PCDH9: variants seen among roughly 807,000 people sequenced by gnomAD.
PCDH9 encodes protocadherin-9.
A neutral mutation model predicts 70.6 loss-of-function variants in PCDH9; 24 were observed. That is an observed-to-expected ratio of 0.34 (90% CI 0.25 to 0.48). The LOEUF is 0.48. PCDH9 is among the 20% of genes least tolerant of loss of function. PCDH9 has a pLI of 0.99. For missense variants in PCDH9, 1,281 were observed against 1,503.6 expected (o/e 0.85, Z 2.45); for synonymous variants, 562 against 558.5 (o/e 1.01, Z -0.09).
intron 3 of PCDH9, among the ~76,000 whole-genome samples, chr13:66,822,647 T>G (rs1157723982): frequency 2.0e-5 from 3 of 152,056 alleles, no homozygotes; most frequent in Non-Finnish European, 1.5e-5. Context: ...GGCCTCAGGC[T>G]CCCAAGTAGC....
chr13:66,420,259 A>C (rs7338154), intron 4 of PCDH9, among the ~76,000 whole-genome samples: 1 of 152,010 alleles, frequency 6.6e-6, no homozygotes, highest in Non-Finnish European at 1.5e-5. Flanking sequence ...ATCAGACTTA[A>C]ACGTTCCTGC....
intron 3 of PCDH9, among the ~76,000 whole-genome samples, chr13:66,813,374 C>T (rs2080543714): frequency 6.6e-6 from 1 of 151,502 alleles, no homozygotes; most frequent in Non-Finnish European, 1.5e-5. Flanking sequence ...TGCTGTACAA[C>T]CTCTGGTGTA....
intron 4 of PCDH9, among the ~76,000 whole-genome samples, chr13:66,420,330 C>T (rs1013433278): frequency 2.0e-5 from 3 of 152,202 alleles, no homozygotes; most frequent in Non-Finnish European, 4.4e-5. Flanking sequence ...TGCTAAGGGA[C>T]AGACTGCCTC....
chr13:66,718,086 T>C (rs2078894889), intron 3 of PCDH9, among the ~76,000 whole-genome samples: 1 of 152,212 alleles, frequency 6.6e-6, no homozygotes, highest in Non-Finnish European at 1.5e-5. Context: ...GAATAGAACA[T>C]GTGTCTCTCA....
intron 2 of PCDH9, among the ~76,000 whole-genome samples, chr13:67,198,810 T>A (rs1379832904): frequency 6.6e-6 from 1 of 151,902 alleles, no homozygotes; most frequent in African/African-American, 2.4e-5. Context: ...TAAATGTTGG[T>A]AGTTGTGCTT....
intron 2 of PCDH9, among the ~76,000 whole-genome samples, chr13:67,085,186 T>A (rs1300089647): frequency 6.6e-6 from 1 of 151,282 alleles, no homozygotes; most frequent in South Asian, 2.1e-4. Context: ...AATCTTCACA[T>A]CAATAATTTA....
chr13:66,972,468 T>G (rs2083542036), intron 2 of PCDH9, among the ~76,000 whole-genome samples: 1 of 151,936 alleles, frequency 6.6e-6, no homozygotes, highest in Non-Finnish European at 1.5e-5. Context: ...CCTAGTATTA[T>G]ATCCTGAAGA....
chr13:66,415,123 T>A (rs1957439294), intron 4 of PCDH9, among the ~76,000 whole-genome samples: 2 of 152,120 alleles, frequency 1.3e-5, no homozygotes, highest in South Asian at 2.1e-4. Context: ...ATAGGCAAGA[T>A]GAATACATTT....
intron 4 of PCDH9, among the ~76,000 whole-genome samples, chr13:66,351,400 T>C (rs1255367308): frequency 2.0e-5 from 3 of 152,334 alleles, no homozygotes; most frequent in East Asian, 1.9e-4. Context: ...ACTTCTGTCC[T>C]TTCTAAGAAA....
chr13:66,507,385 T>A (rs1959238712), intron 4 of PCDH9, among the ~76,000 whole-genome samples: 1 of 152,142 alleles, frequency 6.6e-6, no homozygotes, highest in Non-Finnish European at 1.5e-5. Context: ...CACAAAATAA[T>A]AATTTATTTT....
At chr13:66,644,893 T>C (rs908294571) in intron 3 of PCDH9, among the ~76,000 whole-genome samples, 2 of 152,126 alleles carry the variant, frequency 1.3e-5, no homozygotes, top group South Asian at 2.1e-4. Flanking sequence ...TTCATGAAGA[T>C]GAAATGAAAT....
intron 4 of PCDH9, among the ~76,000 whole-genome samples, chr13:66,555,931 T>C (rs1961719116): frequency 6.7e-6 from 1 of 148,194 alleles, no homozygotes; most frequent in South Asian, 2.1e-4. Flanking sequence ...ATACATAAGA[T>C]ATATACATAT....
chr13:67,053,429 T>C (rs1260225666), intron 2 of PCDH9, among the ~76,000 whole-genome samples: 2 of 152,098 alleles, frequency 1.3e-5, no homozygotes, highest in African/African-American at 4.8e-5. Flanking sequence ...GCACGGTTGA[T>C]GGGGAAATTC....
rs185318406 is a variant in PCDH9 at position 67,095,510 on chromosome 13, G to A, written c.3036+129895C>T. The stretch of plus-strand genomic sequence containing the variant: ...ATGATGACATCTTCTCCTTTAATAT[G>A]GAAGAGAGGACACATGTTTGACAGG... On this transcript the variant is annotated intron_variant, in intron 2 of 4. Coordinates refer to ENST00000377865, the MANE Select transcript of PCDH9 (RefSeq NM_203487.3). Among the ~76,000 whole-genome samples, 558 of 152,188 alleles carry A rather than the reference G, an allele frequency of 3.7e-3. 6 individuals are homozygous for A. The highest frequency in any genetic ancestry group is 0.013 in the African/African-American group (535 of 41,532).
intron 4 of PCDH9, among the ~76,000 whole-genome samples, chr13:66,586,406 T>C (rs143281383): frequency 1.1e-3 from 168 of 152,310 alleles, no homozygotes; most frequent in African/African-American, 3.9e-3. Context: ...TGATGTGACA[T>C]TATATGCATT....
chr13:66,325,434 G>C (rs1220062689), intron 4 of PCDH9, among the ~76,000 whole-genome samples: 1 of 151,956 alleles, frequency 6.6e-6, no homozygotes, highest in Admixed American at 6.6e-5. Flanking sequence ...GGGGAGAAAA[G>C]TTTCTAGAAG....
chr13:66,840,240 C>A (rs1446715986), intron 3 of PCDH9, among the ~76,000 whole-genome samples: 1 of 150,778 alleles, frequency 6.6e-6, no homozygotes, highest in Non-Finnish European at 1.5e-5. Flanking sequence ...ACTCAAAGAT[C>A]TTTTATATTA....
chr13:66,749,525 A>C (rs1015122583), intron 3 of PCDH9, among the ~76,000 whole-genome samples: 1 of 152,172 alleles, frequency 6.6e-6, no homozygotes, highest in Non-Finnish European at 1.5e-5. Flanking sequence ...AAGGGACATA[A>C]TTGTATTAAG....
At chr13:66,554,478 T>C (rs943598039) in intron 4 of PCDH9, among the ~76,000 whole-genome samples, 1 of 152,138 alleles carries the variant, frequency 6.6e-6, no homozygotes, top group African/African-American at 2.4e-5. Context: ...TGTTGAATAA[T>C]ACAGATATTA....
Sources: gnomAD v4.1 joint callset for allele counts (sites outside exome capture counted in the v4.1 genomes callset) on GRCh38, gnomAD v4.1.1 for gene constraint, MANE v1.5 for transcripts, NCBI Gene and HGNC (gene_info 2026-07-23, HGNC 2026-07-21) for gene names.